The following PCOLCE variants were observed in gnomAD, a reference collection of about 807,000 sequenced individuals.
PCOLCE encodes the protein procollagen C-endopeptidase enhancer 1.
A neutral mutation model predicts 47.2 loss-of-function variants in PCOLCE; 33 were observed. The ratio of observed to expected loss-of-function variants is 0.70; its 90% confidence interval spans 0.53 to 0.93. The LOEUF (loss-of-function observed/expected upper bound fraction) is 0.93. Ranked by LOEUF, PCOLCE falls within the 40% of genes least tolerant of loss-of-function variation. The pLI, the probability that PCOLCE is intolerant of heterozygous loss-of-function variation, is 0.00. For missense variants in PCOLCE, 584 were observed against 585.3 expected (o/e 1.00, Z 0.02); for synonymous variants, 254 against 252.5 (o/e 1.01, Z -0.06).
At position 100,604,416 on chromosome 7, in the gene PCOLCE, T is replaced by C. The variant is rs1203863740; in HGVS notation, c.463+199T>C. ...TCTCCCCTCCTCCCGCACCCACCCA[T>C]CCCTCTTCCAGGGCCCCCCCCAGGC... On this transcript the variant is annotated intron_variant, in intron 3 of 8. Coordinates refer to ENST00000223061, the MANE Select transcript of PCOLCE (RefSeq NM_002593.4). The surrounding 1 kb of genome is among the most constrained non-coding windows in gnomAD (Gnocchi z 6.4). 3 of 610,266 alleles carry C rather than the reference T, an allele frequency of 4.9e-6. No individual in the cohort carries two copies. Among genetic ancestry groups the C allele is most frequent in the Non-Finnish European group, 8.6e-6 (3 of 347,976 alleles). The allele number at this position is 610,266 out of a possible 1,614,324, so 37.8% of individuals were successfully genotyped here.
rs150705832 is a variant in PCOLCE, at chr7:100,605,110, G to T, written c.483G>T (p.Gly161=). Residue 161 remains glycine, a synonymous_variant, in exon 4 of 9, where the codon GGG becomes GGT. Coordinates refer to ENST00000223061, the MANE Select transcript of PCOLCE (RefSeq NM_002593.4). This position sits in a 1 kb window ranked among gnomAD's most constrained non-coding sequence, Gnocchi z 6.1. ...TSGTEHQFCG[G]RLEKAQGTLT... is the part of the protein sequence containing the mutation. The stretch of plus-strand genomic sequence containing the variant: ...CCCCAGAGCACCAATTTTGCGGGGG[G>T]CGGCTGGAGAAGGCCCAGGGAACCC... 63 of 1,612,024 alleles carry T rather than the reference G, an allele frequency of 3.9e-5. No individual in the cohort carries two copies. The African/African-American group carries it at 6.9e-4, about 18-fold the overall frequency.
At position 100,602,369 on chromosome 7, in the gene PCOLCE, C is replaced by CCTG. The variant is rs1802624159; in HGVS notation, c.-80_-78dup. The CCTG allele has an allele frequency of 4.5e-6, 4 of 886,066 alleles. No individual in the cohort carries two copies. The highest frequency in any genetic ancestry group is 1.6e-5 in the African/African-American group (1 of 61,314). The allele number at this position is 886,066 out of a possible 1,614,324, so 54.9% of individuals were successfully genotyped here. ...GGCTGCCCCATCTGGCGCTGATTATCCTGCTGCTGCCGCCACCGCTGCTGC... is the reference window on the plus strand; with the variant it reads ...GGCTGCCCCATCTGGCGCTGATTATCCTGCTGCTGCTGCCGCCACCGCTGCTGC... On this transcript the variant is annotated 5_prime_UTR_variant, in exon 1 of 9. Transcript: ENST00000223061.
intron 1 of PCOLCE, 169 bp downstream of exon 1, chr7:100,602,720 C>A: frequency 1.6e-6 from 1 of 608,706 alleles, no homozygotes; most frequent in East Asian, 2.8e-5. Flanking sequence ...GCTGCAAGAC[C>A]TTGGTCTCCT....
In PCOLCE at chr7:100,602,560, C is replaced by G. The variant is rs770768223; in HGVS notation, c.95+9C>G. The G allele has an allele frequency of 3.9e-6, 6 of 1,546,898 alleles. No homozygotes were observed. The Admixed American group carries it at 1.0e-4, about 26-fold the overall frequency. On this transcript the variant is annotated intron_variant, in intron 1 of 8. Transcript: ENST00000223061. ...ACCCCCAACTACACCAGGTAGGTCTCTTGGCATCTTCCAGACAGCTCCAGT... is the reference window on the plus strand; with the variant it reads ...ACCCCCAACTACACCAGGTAGGTCTGTTGGCATCTTCCAGACAGCTCCAGT...
Position 100,605,262 on chromosome 7 carries a change from C to T in PCOLCE, c.588+47C>T, listed in dbSNP as rs765799039. The T allele has an allele frequency of 6.4e-7, 1 of 1,572,234 alleles. No individual in the cohort carries two copies. The highest frequency in any genetic ancestry group is 1.8e-5 in the Admixed American group (1 of 57,142). On this transcript the variant is annotated intron_variant, in intron 4 of 8. Transcript: ENST00000223061. The surrounding 1 kb of genome is among the most constrained non-coding windows in gnomAD (Gnocchi z 6.1). ...CTGCCCTAGGGGACCCAGGCGGCGC[C>T]CTCCAGCTTGCAGCCAGCAGAGATT...
In PCOLCE at chr7:100,605,125, C is replaced by A; in HGVS notation, c.498C>A (p.Ala166=). The A allele has an allele frequency of 1.2e-6, 2 of 1,612,782 alleles. No individual in the cohort carries two copies. The highest frequency in any genetic ancestry group is 1.7e-4 in the Middle Eastern group (1 of 6,042). ...TTTGCGGGGGGCGGCTGGAGAAGGC[C>A]CAGGGAACCCTGACCACGCCCAACT... ...HQFCGGRLEK[A]QGTLTTPNWP... is the part of the protein sequence containing the mutation. Residue 166 remains alanine (A), a synonymous_variant, in exon 4 of 9, where the codon GCC becomes GCA. Transcript: ENST00000223061. The surrounding 1 kb of genome is among the most constrained non-coding windows in gnomAD (Gnocchi z 6.1).
chr7:100,608,106 C>G lies in PCOLCE; in HGVS notation c.*3C>G, dbSNP rs368423408. ...GGGCTGCTGCGTCCCAGGACTGAGA[C>G]GCAGGCCAGCCCCGGCCCCTAGCCC... On this transcript the variant is annotated 3_prime_UTR_variant, in exon 9 of 9. Transcript: ENST00000223061. 1 of 1,613,108 alleles carries G rather than the reference C, an allele frequency of 6.2e-7. No homozygotes were observed. Among genetic ancestry groups the G allele is most frequent in the Non-Finnish European group, 8.5e-7 (1 of 1,179,654 alleles).
chr7:100,603,044 T>C, intron 1 of PCOLCE: 3 of 222,930 alleles, frequency 1.3e-5, no homozygotes, highest in Non-Finnish European at 1.7e-5. Flanking sequence ...CTCCACCCCC[T>C]CCCCCCCACC....
At position 100,604,011 on chromosome 7, in the gene PCOLCE, T is replaced by C. The variant is rs778869920; in HGVS notation, c.257T>C (p.Leu86Pro). ...SLSFRVFDLE[L>P]HPACRYDALE... ...TCATTCCGAGTCTTCGACCTGGAGC[T>C]GCACCCCGCCTGCCGCTACGATGCT... The change falls in exon 3 of 9, where the codon CTG (leucine) becomes CCG (proline). Residue 86 changes from leucine to proline, a missense_variant. Physicochemically the swap from Leu to Pro is moderately conservative, Grantham distance 98. Coordinates refer to ENST00000223061, the MANE Select transcript of PCOLCE (RefSeq NM_002593.4). This position sits in a 1 kb window ranked among gnomAD's most constrained non-coding sequence, Gnocchi z 6.4. 6.2e-7 allele frequency: 1 copy of C among 1,604,848 alleles called. No individual in the cohort carries two copies. The highest frequency in any genetic ancestry group is 8.5e-7 in the Non-Finnish European group (1 of 1,179,932).
At position 100,605,208 on chromosome 7, in the gene PCOLCE, C is replaced by T; in HGVS notation, c.581C>T (p.Pro194Leu). The change falls in exon 4 of 9, where the codon CCG becomes CTG. Residue 194 changes from proline (P) to leucine (L), a missense_variant. By Grantham distance (98) the Pro-to-Leu change is moderately conservative. Coordinates refer to ENST00000223061, the MANE Select transcript of PCOLCE (RefSeq NM_002593.4). This position sits in a 1 kb window ranked among gnomAD's most constrained non-coding sequence, Gnocchi z 6.1. ...TGTTCCTGGCACATCATCGCGCCCCCGGACCAGGTACCGACCCTCCTCCCC... is the reference window on the plus strand; with the variant it reads ...TGTTCCTGGCACATCATCGCGCCCCTGGACCAGGTACCGACCCTCCTCCCC... ...ISCSWHIIAP[P>L]DQVIALTFEK... The T allele has an allele frequency of 6.2e-7, 1 of 1,612,092 alleles. No homozygotes were observed. Among genetic ancestry groups the T allele is most frequent in the South Asian group, 1.1e-5 (1 of 90,974 alleles).
Position 100,604,276 on chromosome 7 carries a change from CG to C in PCOLCE, c.463+60del. ...CCAGGCCCCGCCCCGGCCGCAGCCC[CG>C]CCCCCAGCCCTAACCTCCGCCCCGC... On this transcript the variant is annotated intron_variant, in intron 3 of 8. Transcript: ENST00000223061. This position sits in a 1 kb window ranked among gnomAD's most constrained non-coding sequence, Gnocchi z 6.4. 6.9e-7 allele frequency: 1 copy of C among 1,454,738 alleles called. No individual in the cohort carries two copies. Among genetic ancestry groups the C allele is most frequent in the Non-Finnish European group, 9.2e-7 (1 of 1,081,494 alleles). The allele number at this position is 1,454,738 out of a possible 1,614,324, so 90.1% of individuals were successfully genotyped here. A position where few individuals can be genotyped will look rare whatever the true frequency, so the allele number is the denominator to read the frequency against.
intron 2 of PCOLCE, 120 bp from the exon 3 acceptor site, chr7:100,603,839 T>C: frequency 3.4e-6 from 4 of 1,164,228 alleles, no homozygotes; most frequent in Middle Eastern, 5.2e-4. Context: ...TGCACTCACA[T>C]GGAGGCCCCT....
chr7:100,607,894 G>C, intron 8 of PCOLCE, 43 bp from the exon 9 acceptor site: 1 of 1,612,496 alleles, frequency 6.2e-7, no homozygotes. Context: ...CTGCTGACAG[G>C]TCTCAAGAAT....
Position 100,606,442 on chromosome 7 carries a change from T to G in PCOLCE, c.752T>G (p.Leu251Arg). The change falls in exon 6 of 9, where the codon CTC (leucine) becomes CGC (arginine). Residue 251 changes from leucine to arginine, a missense_variant. Leu to Arg is a moderately radical substitution (Grantham distance 102). Transcript: ENST00000223061. ...TCCATCTCCTCCGAAGGGAATGAAC[T>G]CCTCGTCCAGTTCGTCTCAGATCTC... ...PGSISSEGNE[L>R]LVQFVSDLSV... 1 of 1,613,974 alleles carries G rather than the reference T, an allele frequency of 6.2e-7. No individual in the cohort carries two copies. Among genetic ancestry groups the G allele is most frequent in the Non-Finnish European group, 8.5e-7 (1 of 1,179,878 alleles).
rs545624870 is a variant in PCOLCE, at chr7:100,604,345, C to T, written c.463+128C>T. 5,415 of 769,628 alleles carry T rather than the reference C, an allele frequency of 7.0e-3. 31 individuals are homozygous for T. Among genetic ancestry groups the T allele is most frequent in the Non-Finnish European group, 7.8e-3 (3,764 of 481,358 alleles). 47.7% of individuals were successfully genotyped at this position (769,628 alleles called of 1,614,324 possible). On this transcript the variant is annotated intron_variant, in intron 3 of 8. Transcript: ENST00000223061. The surrounding 1 kb of genome is among the most constrained non-coding windows in gnomAD (Gnocchi z 6.4). ...GCCTAGGGCCCCCTACCTCCCTGAC[C>T]CATTTTCCTCACTAACCGCCCCTTC...
chr7:100,604,010 C>A lies in PCOLCE; in HGVS notation c.256C>A (p.Leu86Met). The part of the protein sequence containing the change: ...SLSFRVFDLE[L>M]HPACRYDALE... Reference sequence around the variant, plus strand: ...CTCATTCCGAGTCTTCGACCTGGAGCTGCACCCCGCCTGCCGCTACGATGC... The same window carrying A: ...CTCATTCCGAGTCTTCGACCTGGAGATGCACCCCGCCTGCCGCTACGATGC... The change falls in exon 3 of 9, where the codon CTG becomes ATG. Residue 86 changes from leucine (L) to methionine (M), a missense_variant. Coordinates refer to ENST00000223061, the MANE Select transcript of PCOLCE (RefSeq NM_002593.4). This position sits in a 1 kb window ranked among gnomAD's most constrained non-coding sequence, Gnocchi z 6.4. The A allele has an allele frequency of 2.5e-6, 4 of 1,604,782 alleles. No individual in the cohort carries two copies. Among genetic ancestry groups the A allele is most frequent in the Non-Finnish European group, 1.7e-6 (2 of 1,179,938 alleles).
rs750369223 is a variant in PCOLCE at position 100,606,513 on chromosome 7, C to T, written c.823C>T (p.Arg275Trp). ...GFSASYKTLP[R>W]GTAKEGQGPG... ...CTCAGCCTCCTACAAGACCCTGCCG[C>T]GGGGCACTGCCAAAGAAGGGCAAGG... Residue 275 changes from arginine (R) to tryptophan (W), a missense_variant, in exon 6 of 9, where the codon CGG becomes TGG. By Grantham distance (101) the Arg-to-Trp change is moderately radical (BLOSUM62 -3). Coordinates refer to ENST00000223061, the MANE Select transcript of PCOLCE (RefSeq NM_002593.4). 23 of 1,614,042 alleles carry T rather than the reference C, an allele frequency of 1.4e-5. No individual in the cohort carries two copies. The highest frequency in any genetic ancestry group is 1.1e-4 in the East Asian group (5 of 44,902).
chr7:100,602,544 T>A lies in PCOLCE; in HGVS notation c.88T>A (p.Tyr30Asn). 6.3e-7 allele frequency: 1 copy of A among 1,598,410 alleles called. No homozygotes were observed. The highest frequency in any genetic ancestry group is 8.6e-7 in the Non-Finnish European group (1 of 1,166,454). Residue 30 changes from tyrosine to asparagine, a missense_variant, in exon 1 of 9, where the codon TAC becomes AAC. Coordinates refer to ENST00000223061, the MANE Select transcript of PCOLCE (RefSeq NM_002593.4). ...TTTTGCCCAGGGCCAGACCCCCAAC[T>A]ACACCAGGTAGGTCTCTTGGCATCT... is the stretch of plus-strand genomic sequence containing the variant. ...LPFAQGQTPN[Y>N]TRPVFLCGGD...
chr7:100,605,385 T>C lies in PCOLCE; in HGVS notation c.588+170T>C. ...TGCACGCAAACAAAAATGTAAAAAT[T>C]ACAACTGAGACAAGTCTCAGGAGAG... is the stretch of plus-strand genomic sequence containing the variant. On this transcript the variant is annotated intron_variant, in intron 4 of 8. Transcript: ENST00000223061. This position sits in a 1 kb window ranked among gnomAD's most constrained non-coding sequence, Gnocchi z 6.1. 1.4e-6 allele frequency: 1 copy of C among 722,400 alleles called. No individual in the cohort carries two copies. Among genetic ancestry groups the C allele is most frequent in the Non-Finnish European group, 2.2e-6 (1 of 444,628 alleles). 44.7% of individuals were successfully genotyped at this position (722,400 alleles called of 1,614,324 possible). A position where few individuals can be genotyped will look rare whatever the true frequency, so the allele number is the denominator to read the frequency against.
Sources: allele counts gnomAD v4.1 joint callset, GRCh38; gene constraint gnomAD v4.1.1; non-coding constraint Gnocchi (gnomAD v3.1); transcripts MANE v1.5; gene names NCBI Gene and HGNC (gene_info 2026-07-23, HGNC 2026-07-21).